ZNF138: variants seen among roughly 807,000 people sequenced by gnomAD.
ZNF138 encodes the protein zinc finger protein 138, also known as zinc finger protein 138 (clone pHZ-32).
In ZNF138, 33 loss-of-function variants were observed where a neutral mutation model predicts 33.0. The observed-to-expected ratio is 1.00, with a 90% confidence interval of 0.76 to 1.34. The LOEUF (loss-of-function observed/expected upper bound fraction) is 1.34, where lower values mean the gene tolerates loss of function less well. Ranked by LOEUF, ZNF138 falls within the 40% of genes most tolerant of loss-of-function variation. ZNF138 has a pLI of 0.00. For synonymous variants in ZNF138, 139 were observed against 120.4 expected (o/e 1.15, Z -1.01); for missense variants, 360 against 370.8 (o/e 0.97, Z 0.24).
At chr7:64,837,801 C>T (rs185128448), downstream of ZNF138, among the ~76,000 whole-genome samples, 22 of 152,248 alleles carry the variant, frequency 1.4e-4, no homozygotes, top group African/African-American at 5.1e-4. Context: ...GCTACTACCT[C>T]TGCTGTTTTA....
At chr7:64,810,922 G>A (rs1304093055) in intron 1 of ZNF138, among the ~76,000 whole-genome samples, 1 of 152,076 alleles carries the variant, frequency 6.6e-6, no homozygotes, top group Non-Finnish European at 1.5e-5. Flanking sequence ...TGTATTTTAG[G>A]GTCTTAATTT....
chr7:64,858,461 T>C, the ZNF138 span, among the ~76,000 whole-genome samples: 2 of 152,340 alleles, frequency 1.3e-5, no homozygotes, highest in East Asian at 1.9e-4. Context: ...GAAGAAAATA[T>C]ATTATTTTGC....
At position 64,832,448 on chromosome 7, in the gene ZNF138, A is replaced by G; in HGVS notation, c.*246A>G. ...AAGAATGTGGAAAAGCTTTTCACCGATACTCAATCCTTAGTACACATAAGA... is the reference window on the plus strand; with the variant it reads ...AAGAATGTGGAAAAGCTTTTCACCGGTACTCAATCCTTAGTACACATAAGA... On this transcript the variant is annotated 3_prime_UTR_variant, in exon 4 of 4. Transcript: ENST00000307355. 1 of 1,404,820 alleles carries G rather than the reference A, an allele frequency of 7.1e-7. No individual in the cohort carries two copies. Among genetic ancestry groups the G allele is most frequent in the Non-Finnish European group, 9.4e-7 (1 of 1,060,604 alleles). The allele number at this position is 1,404,820 out of a possible 1,614,324, so 87.0% of individuals were successfully genotyped here.
the ZNF138 span, among the ~76,000 whole-genome samples, chr7:64,844,659 A>C: frequency 7.2e-6 from 1 of 139,510 alleles, no homozygotes; most frequent in African/African-American, 2.7e-5. Flanking sequence ...TACATGAGTA[A>C]GTTTTATGTG....
rs1276600439 is a variant in ZNF138 at position 64,832,110 on chromosome 7, C to T, written c.868C>T (p.Gln290Ter). 3.7e-6 allele frequency: 6 copies of T among 1,613,292 alleles called. No homozygotes were observed. Among genetic ancestry groups the T allele is most frequent in the South Asian group, 3.3e-5 (3 of 91,064 alleles). The part of the protein sequence containing the change: ...KCEQCGKVFK[Q>*]SPTLTKHQII... ...TGAACAATGTGGCAAGGTCTTTAAG[C>T]AGTCCCCAACCCTTACTAAACATCA... The change falls in exon 4 of 4, where the codon CAG (glutamine) becomes TAG (stop). Residue 290 changes from glutamine to a stop codon, truncating the protein, a stop_gained. Coordinates refer to ENST00000307355, the MANE Select transcript of ZNF138 (RefSeq NM_001271639.2). LOFTEE classifies it high-confidence loss of function.
the ZNF138 span, among the ~76,000 whole-genome samples, chr7:64,858,357 G>A: frequency 1.2e-4 from 18 of 152,246 alleles, 2 homozygotes; most frequent in South Asian, 3.5e-3. Flanking sequence ...AGAAGAAAGA[G>A]GAGGATGCAG....
the ZNF138 span, among the ~76,000 whole-genome samples, chr7:64,858,782 C>T: frequency 0.033 from 4,980 of 152,066 alleles, 272 homozygotes; most frequent in African/African-American, 0.11. Flanking sequence ...AGCATAATGT[C>T]CTTCAGGTTC....
chr7:64,857,717 TA>T, the ZNF138 span, among the ~76,000 whole-genome samples: 6 of 148,578 alleles, frequency 4.0e-5, no homozygotes, highest in East Asian at 3.9e-4. Flanking sequence ...AGAGAAGAAT[TA>T]AAAAAAAACA....
chr7:64,837,378 G>T (rs182852938), downstream of ZNF138, among the ~76,000 whole-genome samples: 1,156 of 152,202 alleles, frequency 7.6e-3, 6 homozygotes, highest in Middle Eastern at 0.014. Context: ...TGGGCTGAGC[G>T]GTCCGGGCTT....
chr7:64,794,466 T>C lies in ZNF138; in HGVS notation c.-103T>C. The C allele has an allele frequency of 2.5e-6, 4 of 1,569,510 alleles. No homozygotes were observed. The South Asian group carries it at 3.3e-5, about 13-fold the overall frequency. The stretch of plus-strand genomic sequence containing the variant: ...GGGTGCTGCAGGTCTGGCCTTCACT[T>C]TTCTGCGTCCTCTTACTCCTAGAGG... On this transcript the variant is annotated 5_prime_UTR_variant, in exon 1 of 4. Transcript: ENST00000307355.
chr7:64,806,471 C>T (rs10227311), intron 1 of ZNF138, among the ~76,000 whole-genome samples: 140,272 of 152,122 alleles, frequency 0.92, 64,819 homozygotes, highest in South Asian at 0.98. Flanking sequence ...CTTTCCTCCT[C>T]CTCTTACAAT....
chr7:64,839,197 G>T, the ZNF138 span, among the ~76,000 whole-genome samples: 3 of 152,224 alleles, frequency 2.0e-5, no homozygotes, highest in South Asian at 6.2e-4. Context: ...CAGCGAGATT[G>T]GTTGTCTAAG....
chr7:64,843,357 T>C, the ZNF138 span, among the ~76,000 whole-genome samples: 1 of 152,218 alleles, frequency 6.6e-6, no homozygotes, highest in Non-Finnish European at 1.5e-5. Context: ...GGTTTAATTT[T>C]AAATTTTTTT....
Position 64,832,351 on chromosome 7 carries a change from G to C in ZNF138, c.*149G>C, listed in dbSNP as rs1178528230. 1.3e-6 allele frequency: 2 copies of C among 1,557,142 alleles called. No homozygotes were observed. The highest frequency in any genetic ancestry group is 1.7e-6 in the Non-Finnish European group (2 of 1,156,412). On this transcript the variant is annotated 3_prime_UTR_variant, in exon 4 of 4. Coordinates refer to ENST00000307355, the MANE Select transcript of ZNF138 (RefSeq NM_001271639.2). ...CCCCACAAATGTGAAGAATGTGGCA[G>C]AGCTTTTAACCAGTCCGCAAAGCTC...
At chr7:64,810,222 G>C (rs886481354) in intron 1 of ZNF138, among the ~76,000 whole-genome samples, 1 of 149,978 alleles carries the variant, frequency 6.7e-6, no homozygotes, top group South Asian at 2.1e-4. Context: ...TTGGGAGGCC[G>C]AGGCTGGTGG....
chr7:64,819,617 C>T (rs1281247375), intron 3 of ZNF138, among the ~76,000 whole-genome samples: 1 of 152,094 alleles, frequency 6.6e-6, no homozygotes, highest in East Asian at 1.9e-4. Context: ...AATCTGCCCG[C>T]CTCATCTTCC....
chr7:64,821,334 C>T (rs1789130977), intron 3 of ZNF138, among the ~76,000 whole-genome samples: 1 of 151,160 alleles, frequency 6.6e-6, no homozygotes, highest in African/African-American at 2.5e-5. Context: ...TGTGATCCAC[C>T]CACCTCAGCC....
rs1355725026 is a variant in ZNF138 at position 64,833,651 on chromosome 7, CATT to C, written c.*1452_*1454del. The C allele has an allele frequency of 6.6e-6, 1 of 152,248 alleles. No individual in the cohort carries two copies. The highest frequency in any genetic ancestry group is 1.5e-5 in the Non-Finnish European group (1 of 68,122). The allele number at this position is 152,248 out of a possible 1,614,324, so 9.4% of individuals were successfully genotyped here. Reference sequence around the variant, plus strand: ...TTAGAGAGTTAGTACTTAATAAAAGCATTATAAATGCAATTACTGTCAAAACTC... The same window carrying C: ...TTAGAGAGTTAGTACTTAATAAAAGCATAAATGCAATTACTGTCAAAACTC... On this transcript the variant is annotated 3_prime_UTR_variant, in exon 4 of 4. Transcript: ENST00000307355.
chr7:64,822,793 G>A (rs1371717168), intron 3 of ZNF138, among the ~76,000 whole-genome samples: 2 of 152,102 alleles, frequency 1.3e-5, no homozygotes, highest in Non-Finnish European at 2.9e-5. Flanking sequence ...TCTGTAAAAA[G>A]ATTGCGCTAT....
Sources: allele counts gnomAD v4.1 joint callset (sites outside exome capture counted in the v4.1 genomes callset), GRCh38; gene constraint gnomAD v4.1.1; transcripts MANE v1.5; gene names NCBI Gene and HGNC (gene_info 2026-07-23, HGNC 2026-07-21).